GRM1: variants seen among roughly 807,000 people sequenced by gnomAD.
GRM1 encodes glutamate metabotropic receptor 1.
GRM1 carries 33 observed loss-of-function variants against 90.9 expected under a neutral mutation model. The observed-to-expected ratio is 0.36, with a 90% confidence interval of 0.28 to 0.49. The LOEUF is 0.49. Ranked by LOEUF, GRM1 falls within the 20% of genes least tolerant of loss-of-function variation. GRM1 has a pLI of 0.99. For synonymous variants in GRM1, 700 were observed against 613.2 expected (o/e 1.14, Z -2.09); for missense variants, 1,190 against 1,534.3 (o/e 0.78, Z 3.75).
rs1346317404 is a variant in GRM1 at position 146,434,160 on chromosome 6, A to C, written c.2949A>C (p.Pro983=). Reference sequence around the variant, plus strand: ...CCATGGTGGTGCACAGGCGCGTGCCAAGCGCGGCGACCACTCCGCCTCTGC... The same window carrying C: ...CCATGGTGGTGCACAGGCGCGTGCCCAGCGCGGCGACCACTCCGCCTCTGC... ...SPSMVVHRRV[P]SAATTPPLPS... is the part of the protein sequence containing the mutation. The change falls in exon 8 of 8, where the codon CCA becomes CCC. Residue 983 remains proline (P), a synonymous_variant. Transcript: ENST00000282753. 3 of 1,613,678 alleles carry C rather than the reference A, an allele frequency of 1.9e-6. No individual in the cohort carries two copies. Among genetic ancestry groups the C allele is most frequent in the Non-Finnish European group, 2.5e-6 (3 of 1,179,752 alleles).
chr6:146,211,184 C>T (rs1460360065), intron 2 of GRM1, among the ~76,000 whole-genome samples: 1 of 151,244 alleles, frequency 6.6e-6, no homozygotes, highest in Non-Finnish European at 1.5e-5. Context: ...TCAAGCATCC[C>T]TAGAGTTCTT....
intron 1 of GRM1, among the ~76,000 whole-genome samples, chr6:146,124,168 A>C (rs1373316389): frequency 1.3e-5 from 2 of 152,232 alleles, no homozygotes; most frequent in Non-Finnish European, 2.9e-5. Flanking sequence ...AATACTTGGA[A>C]AGTTTTAATT....
Position 146,434,567 on chromosome 6 carries a change from C to G in GRM1, c.3356C>G (p.Thr1119Arg). The G allele has an allele frequency of 6.2e-7, 1 of 1,614,078 alleles. No individual in the cohort carries two copies. Among genetic ancestry groups the G allele is most frequent in the Non-Finnish European group, 8.5e-7 (1 of 1,180,016 alleles). ...YVYEHEREGN[T>R]EEDELEEEEE... ...TATGAGCACGAGCGGGAAGGGAACA[C>G]GGAAGAAGACGAACTGGAAGAGGAG... Residue 1119 changes from threonine (T) to arginine (R), a missense_variant, in exon 8 of 8, where the codon ACG becomes AGG. Coordinates refer to ENST00000282753, the MANE Select transcript of GRM1 (RefSeq NM_001278064.2).
At chr6:146,373,345 A>G (rs769795437) in intron 5 of GRM1, among the ~76,000 whole-genome samples, 1 of 152,178 alleles carries the variant, frequency 6.6e-6, no homozygotes, top group Non-Finnish European at 1.5e-5. Flanking sequence ...AAAACTTACA[A>G]TCATGGCAGA....
At position 146,043,782 on chromosome 6, in the gene GRM1, G is replaced by GATATATATATATATATATATAT. The variant is rs3064997; in HGVS notation, c.700+13573_700+13594dup. 2.8e-3 allele frequency among the ~76,000 whole-genome samples: 251 copies of GATATATATATATATATATATAT among 89,880 alleles called. 4 individuals are homozygous for GATATATATATATATATATATAT. Among genetic ancestry groups the GATATATATATATATATATATAT allele is most frequent in the Middle Eastern group, 0.021 (3 of 144 alleles). The allele number at this position is 89,880 out of a possible 152,430, so 59.0% of individuals were successfully genotyped here. A position where few individuals can be genotyped will look rare whatever the true frequency, so the allele number is the denominator to read the frequency against. On this transcript the variant is annotated intron_variant, in intron 1 of 7. Coordinates refer to ENST00000282753, the MANE Select transcript of GRM1 (RefSeq NM_001278064.2). Reference sequence around the variant, plus strand: ...ACTCTATTTTTGGAAAGAGTCAGGTGATATATATATATATATATATATATA... The same window carrying GATATATATATATATATATATAT: ...ACTCTATTTTTGGAAAGAGTCAGGTGATATATATATATATATATATATATATATATATATATATATATATATA...
chr6:146,344,596 T>C (rs781316952), intron 3 of GRM1, among the ~76,000 whole-genome samples: 4 of 152,182 alleles, frequency 2.6e-5, no homozygotes, highest in Non-Finnish European at 4.4e-5. Flanking sequence ...GAGTTTTTAT[T>C]AGGCCCTCGG....
intron 1 of GRM1, among the ~76,000 whole-genome samples, chr6:146,059,343 A>C (rs1205186153): frequency 6.6e-6 from 1 of 152,146 alleles, no homozygotes; most frequent in African/African-American, 2.4e-5. Context: ...GTCAATGAGC[A>C]GTAATATTTT....
At chr6:146,408,891 G>A (rs962447898) in intron 7 of GRM1, among the ~76,000 whole-genome samples, 1 of 152,128 alleles carries the variant, frequency 6.6e-6, no homozygotes, top group South Asian at 2.1e-4. Context: ...CTGTGTGAAC[G>A]TGTTGTAAAG....
At chr6:146,123,284 G>C (rs1258727950) in intron 1 of GRM1, among the ~76,000 whole-genome samples, 1 of 152,222 alleles carries the variant, frequency 6.6e-6, no homozygotes, top group African/African-American at 2.4e-5. Context: ...GTGATGGTTA[G>C]AGATGATCTT....
At chr6:146,068,618 T>C (rs775214575) in intron 1 of GRM1, among the ~76,000 whole-genome samples, 8 of 152,190 alleles carry the variant, frequency 5.3e-5, no homozygotes, top group Non-Finnish European at 1.0e-4. Flanking sequence ...ATCAGGTAAT[T>C]GTTAAATGAT....
rs6923864 is a variant in GRM1, at chr6:146,434,379, T to G, written c.3168T>G (p.Gly1056=). The change falls in exon 8 of 8, where the codon GGT becomes GGG. Residue 1056 remains glycine, a synonymous_variant. Transcript: ENST00000282753. ...TTCACGCGGTGCTGGCAGGCCCCGG[T>G]GGTCCCGGGAACGGGCTGCGGTCCC... The part of the protein sequence containing the change: ...PDFHAVLAGP[G]GPGNGLRSLY... The G allele has an allele frequency of 0.57, 918,310 of 1,612,734 alleles. 267,608 individuals carry two copies. Among genetic ancestry groups the G allele is most frequent in the African/African-American group, 0.89 (67,037 of 75,018 alleles).
chr6:146,059,643 C>A (rs1007326296), intron 1 of GRM1, among the ~76,000 whole-genome samples: 2 of 152,066 alleles, frequency 1.3e-5, no homozygotes, highest in African/African-American at 4.8e-5. Flanking sequence ...TTTAAAAGCC[C>A]AAAGCTTTAT....
chr6:146,185,950 C>CT (rs1025593174), intron 2 of GRM1, among the ~76,000 whole-genome samples: 11 of 150,086 alleles, frequency 7.3e-5, no homozygotes, highest in South Asian at 2.1e-4. Context: ...ACTTTTTTTT[C>CT]TTTTTTTTTA....
chr6:146,215,902 G>A (rs1393231408), intron 2 of GRM1, among the ~76,000 whole-genome samples: 1 of 151,992 alleles, frequency 6.6e-6, no homozygotes, highest in Non-Finnish European at 1.5e-5. Context: ...GACTACAGGT[G>A]CCTGCCACCA....
intron 1 of GRM1, among the ~76,000 whole-genome samples, chr6:146,112,789 C>G (rs914612853): frequency 1.3e-5 from 2 of 152,114 alleles, no homozygotes; most frequent in Admixed American, 6.6e-5. Context: ...AATTCAGCTC[C>G]CCTTTGAATT....
chr6:146,059,922 G>C (rs946708191), intron 1 of GRM1, among the ~76,000 whole-genome samples: 1 of 152,144 alleles, frequency 6.6e-6, no homozygotes, highest in East Asian at 1.9e-4. Flanking sequence ...TCTGGATTAG[G>C]CTTGGCTTAA....
intron 7 of GRM1, among the ~76,000 whole-genome samples, chr6:146,418,611 A>G (rs1179916618): frequency 6.6e-6 from 1 of 151,654 alleles, no homozygotes; most frequent in Non-Finnish European, 1.5e-5. Context: ...TCAATATTAA[A>G]TTTTATAATT....
intron 1 of GRM1, among the ~76,000 whole-genome samples, chr6:146,054,138 T>C (rs1404850396): frequency 6.6e-6 from 1 of 152,134 alleles, no homozygotes; most frequent in Non-Finnish European, 1.5e-5. Context: ...GAATTTTAGA[T>C]ACTCATGATT....
In GRM1 at chr6:146,203,143, A is replaced by G. The variant is rs371549767; in HGVS notation, c.950+43546A>G. Among the ~76,000 whole-genome samples, 182 of 152,128 alleles carry G rather than the reference A, an allele frequency of 1.2e-3. 1 individual carries two copies. The highest frequency in any genetic ancestry group is 0.01 in the East Asian group (53 of 5,150). On this transcript the variant is annotated intron_variant, in intron 2 of 7. Coordinates refer to ENST00000282753, the MANE Select transcript of GRM1 (RefSeq NM_001278064.2). ...CGGGAGGCGGAGCTTGCAGTGAGCC[A>G]AGATAGCGCCACATCACTCCAGCCT...
Sources: allele counts gnomAD v4.1 joint callset (sites outside exome capture counted in the v4.1 genomes callset), GRCh38; gene constraint gnomAD v4.1.1; transcripts MANE v1.5; gene names NCBI Gene and HGNC (gene_info 2026-07-23, HGNC 2026-07-21).